The following HEXD variants were observed in gnomAD, a reference collection of about 807,000 sequenced individuals.
The protein encoded by HEXD is N-acetyl-beta-galactosaminidase.
HEXD carries 47 observed loss-of-function variants against 54.2 expected under a neutral mutation model. The ratio of observed to expected loss-of-function variants is 0.87; its 90% CI spans 0.69 to 1.11. The LOEUF (loss-of-function observed/expected upper bound fraction) is 1.11. HEXD is among the 50% of genes least tolerant of loss of function. HEXD has a pLI of 0.00. For synonymous variants in HEXD, 293 were observed against 287.6 expected, an observed-to-expected ratio of 1.02 and a Z score of -0.19; for missense variants, 576 against 649.2, an observed-to-expected ratio of 0.89 and a Z score of 1.23.
intron 4 of HEXD, among the ~76,000 whole-genome samples, chr17:82,433,091 A>AATATATAT (rs1555617646): frequency 2.3e-4 from 3 of 13,222 alleles, no homozygotes; most frequent in Non-Finnish European, 3.1e-4. Context: ...AAAAAAAAAA[A>AATATATAT]ATATATATAT....
rs1472281234 is a variant in HEXD at position 82,435,736 on chromosome 17, A to G, written c.495A>G (p.Gln165=). ...AGGCCTCGCGCCGGTGGCTACAGCA[A>G]GAGCAGAACAGCACGGGGAAGTTGT... ...EGEASRRWLQ[Q]EQNSTGKLCL... The change falls in exon 6 of 13, where the codon CAA becomes CAG. Residue 165 remains glutamine (Q), a synonymous_variant. Coordinates refer to ENST00000327949, the MANE Select transcript of HEXD (RefSeq NM_001330542.2). The G allele has an allele frequency of 5.6e-6, 9 of 1,612,930 alleles. No individual in the cohort carries two copies. Among genetic ancestry groups the G allele is most frequent in the Non-Finnish European group, 7.6e-6 (9 of 1,179,822 alleles).
intron 4 of HEXD, among the ~76,000 whole-genome samples, chr17:82,432,909 T>C (rs1303082065): frequency 6.9e-6 from 1 of 145,342 alleles, no homozygotes; most frequent in Non-Finnish European, 1.5e-5. Flanking sequence ...TAAAACAAAA[T>C]ACAAAAATTA....
In HEXD at chr17:82,436,557, T is replaced by TA. The variant is rs1302088487; in HGVS notation, c.632-105dup. ...ACCCAGCACGGTGCCAAGTCTGTCTTAAAAAGGTATCTGTGCTCACACTTT... is the reference window on the plus strand; with the variant it reads ...ACCCAGCACGGTGCCAAGTCTGTCTTAAAAAAGGTATCTGTGCTCACACTTT... On this transcript the variant is annotated intron_variant, in intron 6 of 12. Transcript: ENST00000327949. The TA allele has an allele frequency of 1.5e-5, 13 of 842,520 alleles. No individual in the cohort carries two copies. The South Asian group carries it at 2.0e-4, about 13-fold the overall frequency. 52.2% of individuals were successfully genotyped at this position (842,520 alleles called of 1,614,324 possible).
intron 3 of HEXD, 100 bp downstream of exon 3, chr17:82,424,603 C>A: frequency 1.3e-6 from 1 of 744,064 alleles, no homozygotes; most frequent in South Asian, 1.5e-5. Flanking sequence ...GCGGGTGGCA[C>A]AGTCAGGAAC....
chr17:82,424,228 G>A (rs1224617531), intron 2 of HEXD, among the ~76,000 whole-genome samples, 166 bp from the exon 3 acceptor site: 2 of 152,170 alleles, frequency 1.3e-5, no homozygotes, highest in African/African-American at 4.8e-5. Flanking sequence ...GTTTCATTTG[G>A]CATAACGTAA....
rs1425765018 is a variant in HEXD, at chr17:82,441,201, T to G, written c.1098T>G (p.Leu366=). 2 of 1,612,998 alleles carry G rather than the reference T, an allele frequency of 1.2e-6. No homozygotes were observed. Among genetic ancestry groups the G allele is most frequent in the Non-Finnish European group, 1.7e-6 (2 of 1,179,980 alleles). Residue 366 remains leucine (L), a synonymous_variant, in exon 11 of 13, where the codon CTT becomes CTG. Transcript: ENST00000327949. The part of the protein sequence containing the change: ...GAGSFPGSNI[L]ALVTQVSLHL... ...GCTCCTTCCCTGGCAGCAACATCCT[T>G]GCCCTTGTCACACAAGTCAGCCTCC...
intron 8 of HEXD, 95 bp from the exon 9 acceptor site, chr17:82,439,536 C>T: frequency 1.3e-6 from 2 of 1,489,248 alleles, no homozygotes; most frequent in Non-Finnish European, 1.8e-6. Flanking sequence ...TAGCCTAAGG[C>T]CCTGGAACAA....
intron 8 of HEXD, among the ~76,000 whole-genome samples, chr17:82,437,731 C>T (rs1219864142): frequency 2.0e-5 from 3 of 152,248 alleles, no homozygotes; most frequent in Admixed American, 1.3e-4. Context: ...TCGGACCCCA[C>T]GAGAAGGTTC....
Position 82,436,696 on chromosome 17 carries a change from G to A in HEXD, c.661G>A (p.Val221Met), listed in dbSNP as rs753894938. The A allele has an allele frequency of 6.2e-7, 1 of 1,612,362 alleles. No homozygotes were observed. Among genetic ancestry groups the A allele is most frequent in the Non-Finnish European group, 8.5e-7 (1 of 1,179,666 alleles). Residue 221 changes from valine (V) to methionine (M), a missense_variant, in exon 7 of 13, where the codon GTG becomes ATG. Transcript: ENST00000327949. ...ASGVPQLVEP[V>M]LWDYTADLDV... ...CGGGGTGCCGCAGCTGGTGGAGCCG[G>A]TGCTCTGGGACTACACGGCCGACCT... is the stretch of plus-strand genomic sequence containing the variant.
At chr17:82,430,481 G>T (rs989508200) in intron 4 of HEXD, among the ~76,000 whole-genome samples, 4 of 152,130 alleles carry the variant, frequency 2.6e-5, no homozygotes, top group African/African-American at 4.8e-5. Flanking sequence ...CTCTGCTTCC[G>T]AGTTCAAGTG....
chr17:82,440,753 A>C, intron 9 of HEXD: 1 of 542,312 alleles, frequency 1.8e-6, no homozygotes, highest in Non-Finnish European at 3.2e-6. Flanking sequence ...GCTGCTGGCA[A>C]CACAGTCTTA....
chr17:82,441,891 T>C lies in HEXD; in HGVS notation c.1253+2T>C. ...GCACATCCAGCCCGCAGCGCTCAGG[T>C]GAGGCCCTGGGCTCTTATAGGCCGT... On this transcript the variant is annotated splice_donor_variant, in intron 12 of 12. Coordinates refer to ENST00000327949, the MANE Select transcript of HEXD (RefSeq NM_001330542.2). LOFTEE classifies it high-confidence loss of function. The C allele has an allele frequency of 6.2e-7, 1 of 1,612,598 alleles. No homozygotes were observed. The highest frequency in any genetic ancestry group is 8.5e-7 in the Non-Finnish European group (1 of 1,179,572).
rs2054028877 is a variant in HEXD, at chr17:82,442,569, A to T, written c.*185A>T. On this transcript the variant is annotated 3_prime_UTR_variant, in exon 13 of 13. Coordinates refer to ENST00000327949, the MANE Select transcript of HEXD (RefSeq NM_001330542.2). This position sits in a 1 kb window ranked among gnomAD's most constrained non-coding sequence, Gnocchi z 6.8. ...GAGACTAGAAAACACAGAAGGAAGC[A>T]GCACAGGGAGACCCGCTTTGTGATC... 6.3e-7 allele frequency: 1 copy of T among 1,579,664 alleles called. No homozygotes were observed. The highest frequency in any genetic ancestry group is 1.7e-5 in the Admixed American group (1 of 58,326).
At chr17:82,437,580 C>T (rs967827943) in intron 8 of HEXD, among the ~76,000 whole-genome samples, 3 of 152,206 alleles carry the variant, frequency 2.0e-5, no homozygotes, top group Non-Finnish European at 4.4e-5. Flanking sequence ...GTCACGAACA[C>T]GTGGCCCCCA....
Position 82,442,590 on chromosome 17 carries a change from TG to T in HEXD, c.*207del. ...AAGCAGCACAGGGAGACCCGCTTTG[TG>T]ATCTGCATGTGTGACACTGATTCTT... On this transcript the variant is annotated 3_prime_UTR_variant, in exon 13 of 13. Transcript: ENST00000327949. The surrounding 1 kb of genome is among the most constrained non-coding windows in gnomAD (Gnocchi z 6.8). 6.4e-7 allele frequency: 1 copy of T among 1,569,748 alleles called. No individual in the cohort carries two copies. The highest frequency in any genetic ancestry group is 8.7e-7 in the Non-Finnish European group (1 of 1,149,458).
rs779711351 is a variant in HEXD, at chr17:82,433,851, G to A, written c.447+29G>A. On this transcript the variant is annotated intron_variant, in intron 5 of 12. Coordinates refer to ENST00000327949, the MANE Select transcript of HEXD (RefSeq NM_001330542.2). ...GGTACTGTCACCCCAGCTCTGTGCAGGACACTCTCCCCTATCATGGCTTGT... is the reference window on the plus strand; with the variant it reads ...GGTACTGTCACCCCAGCTCTGTGCAAGACACTCTCCCCTATCATGGCTTGT... 5.7e-6 allele frequency: 9 copies of A among 1,579,332 alleles called. No individual in the cohort carries two copies. In the Admixed American group the frequency reaches 1.3e-4, roughly 23 times the overall value.
At chr17:82,421,316 C>G (rs763851500) in intron 2 of HEXD, among the ~76,000 whole-genome samples, 1 of 152,178 alleles carries the variant, frequency 6.6e-6, no homozygotes, top group Non-Finnish European at 1.5e-5. Context: ...CAGCGCCCCC[C>G]ACTAAGGACA....
At chr17:82,425,313 C>G (rs921766540) in intron 3 of HEXD, among the ~76,000 whole-genome samples, 1 of 147,574 alleles carries the variant, frequency 6.8e-6, no homozygotes, top group Non-Finnish European at 1.5e-5. Context: ...TTAGAGAAGG[C>G]CAGAGAAGGC....
In HEXD at chr17:82,441,205, C is replaced by G. The variant is rs773656143; in HGVS notation, c.1102C>G (p.Leu368Val). Residue 368 changes from leucine to valine, a missense_variant, in exon 11 of 13, where the codon CTT becomes GTT. Coordinates refer to ENST00000327949, the MANE Select transcript of HEXD (RefSeq NM_001330542.2). ...GSFPGSNILA[L>V]VTQVSLHLRS... ...CTTCCCTGGCAGCAACATCCTTGCC[C>G]TTGTCACACAAGTCAGCCTCCATCT... 1 of 1,613,138 alleles carries G rather than the reference C, an allele frequency of 6.2e-7. No individual in the cohort carries two copies. Among genetic ancestry groups the G allele is most frequent in the Non-Finnish European group, 8.5e-7 (1 of 1,179,976 alleles).
Sources: allele counts gnomAD v4.1 joint callset (sites outside exome capture counted in the v4.1 genomes callset), GRCh38; gene constraint gnomAD v4.1.1; non-coding constraint Gnocchi (gnomAD v3.1); transcripts MANE v1.5; gene names NCBI Gene and HGNC (gene_info 2026-07-23, HGNC 2026-07-21).